Variants in EP400 observed in about 807,000 individuals in gnomAD.
EP400 encodes E1A binding protein p400.
Under a neutral mutation model 354.1 loss-of-function variants are expected in EP400, and 105 were observed. That is an observed-to-expected ratio of 0.30 (90% confidence interval 0.25 to 0.35). The LOEUF (loss-of-function observed/expected upper bound fraction) is 0.35. EP400 is among the 10% of genes least tolerant of loss of function. EP400 has a pLI of 1.00. For synonymous variants in EP400, 1,646 were observed against 1,716.9 expected, an observed-to-expected ratio of 0.96 and a Z score of 1.02; for missense variants, 3,280 against 4,121.0, an observed-to-expected ratio of 0.80 and a Z score of 5.59.
At chr12:132,031,130 C>T (rs1210627499) in intron 29 of EP400, 4 of 438,560 alleles carry the variant, frequency 9.1e-6, no homozygotes, top group Admixed American at 7.5e-5. Flanking sequence ...GTTTCTGGCA[C>T]AGAAATCGTT....
At chr12:131,995,902 G>A (rs1224239758) in intron 12 of EP400, among the ~76,000 whole-genome samples, 2 of 151,298 alleles carry the variant, frequency 1.3e-5, no homozygotes, top group Non-Finnish European at 2.9e-5. Context: ...TGAATGTACC[G>A]TTCATCCTGA....
chr12:131,991,358 G>A lies in EP400; in HGVS notation c.2630-49G>A, dbSNP rs374209724. ...CTGCCTGGAAAGCAGAGACGCCCTC[G>A]CCAAGCATGGGGGGCCTTGGGAACG... On this transcript the variant is annotated intron_variant, in intron 9 of 52. Coordinates refer to ENST00000389561, the MANE Select transcript of EP400 (RefSeq NM_015409.5). 44 of 1,601,372 alleles carry A rather than the reference G, an allele frequency of 2.7e-5. No homozygotes were observed. The African/African-American group carries it at 3.5e-4, about 13-fold the overall frequency.
chr12:132,061,566 G>A (rs536073058), intron 45 of EP400, among the ~76,000 whole-genome samples: 2 of 152,344 alleles, frequency 1.3e-5, no homozygotes, highest in East Asian at 3.9e-4. Flanking sequence ...GGTGGGATAG[G>A]GTGAGGGGAC....
At chr12:132,049,019 G>A (rs1288819639) in intron 39 of EP400, among the ~76,000 whole-genome samples, 1 of 152,324 alleles carries the variant, frequency 6.6e-6, no homozygotes, top group East Asian at 1.9e-4. Flanking sequence ...CTTTGCATTA[G>A]AGGACCCCAT....
At chr12:131,951,065 ATTT>A (rs750396319) in intron 1 of EP400, among the ~76,000 whole-genome samples, 6,437 of 104,008 alleles carry the variant, frequency 0.062, 110 homozygotes, top group African/African-American at 0.14. Flanking sequence ...ACGCCTGGCT[ATTT>A]TTTTTTTTTT....
At chr12:131,976,374 C>G (rs1892472399) in intron 2 of EP400, among the ~76,000 whole-genome samples, 1 of 152,100 alleles carries the variant, frequency 6.6e-6, no homozygotes, top group African/African-American at 2.4e-5. Context: ...TTATATTCTT[C>G]TGAAACGTAT....
At chr12:131,952,904 T>G (rs770462949) in intron 1 of EP400, among the ~76,000 whole-genome samples, 3 of 152,128 alleles carry the variant, frequency 2.0e-5, no homozygotes, top group Non-Finnish European at 4.4e-5. Flanking sequence ...TTGAAAGATA[T>G]CCAAACAACA....
At chr12:132,065,050 A>G (rs1225107699) in intron 48 of EP400, 164 bp downstream of exon 48, 1 of 1,272,266 alleles carries the variant, frequency 7.9e-7, no homozygotes. Flanking sequence ...GGGACTCACC[A>G]CTCGTGGAAC....
intron 14 of EP400, 50 bp downstream of exon 14, chr12:132,006,352 A>C: frequency 6.3e-7 from 1 of 1,582,350 alleles, no homozygotes; most frequent in South Asian, 1.1e-5. Context: ...GAGACAGAGC[A>C]CATAGCTTAG....
At chr12:132,055,515 A>G (rs1339266535) in intron 45 of EP400, among the ~76,000 whole-genome samples, 5 of 51,648 alleles carry the variant, frequency 9.7e-5, no homozygotes, top group Admixed American at 2.4e-4. Context: ...TGTGTGTGTG[A>G]GGTGTAGGGG....
At chr12:132,055,484 GGT>G (rs1180517157) in intron 45 of EP400, among the ~76,000 whole-genome samples, 3 of 136,182 alleles carry the variant, frequency 2.2e-5, no homozygotes, top group South Asian at 5.2e-4. Flanking sequence ...GAGGTGTAGG[GGT>G]GTGTGTGAGG....
intron 12 of EP400, among the ~76,000 whole-genome samples, chr12:131,997,032 C>T (rs1052104976): frequency 3.3e-5 from 5 of 151,946 alleles, no homozygotes; most frequent in East Asian, 1.9e-4. Flanking sequence ...AGTGAAATGA[C>T]GTTACATTAA....
chr12:132,006,869 G>T lies in EP400; in HGVS notation c.3296G>T (p.Cys1099Phe), dbSNP rs1234542568. ...QIIAFFAHLACNEGNWGPHLV... is the reference protein window; with the variant it reads ...QIIAFFAHLAFNEGNWGPHLV... ...ATTGCTTTTTTTGCCCACCTAGCTT[G>T]TAACGAAGGTAAGAGTTTGCTAGTT... Residue 1099 changes from cysteine to phenylalanine, a missense_variant, in exon 15 of 53, where the codon TGT (cysteine) becomes TTT (phenylalanine). Cys to Phe is a radical substitution (Grantham distance 205). Around this residue, in one of 20 missense-constraint regions of EP400, gnomAD observed 242 missense variants for 357.9 expected, o/e 0.68. Coordinates refer to ENST00000389561, the MANE Select transcript of EP400 (RefSeq NM_015409.5). The T allele has an allele frequency of 1.9e-6, 3 of 1,613,930 alleles. No homozygotes were observed. In the East Asian group the frequency reaches 6.7e-5, roughly 36 times the overall value.
chr12:131,979,341 G>T (rs1345388995), intron 2 of EP400, among the ~76,000 whole-genome samples: 2 of 152,208 alleles, frequency 1.3e-5, no homozygotes, highest in African/African-American at 2.4e-5. Context: ...ATGCTGGGCA[G>T]TGTGACTGAT....
chr12:132,045,643 A>G, intron 38 of EP400, 83 bp downstream of exon 38: 1 of 1,603,020 alleles, frequency 6.2e-7, no homozygotes, highest in East Asian at 2.2e-5. Flanking sequence ...CACTGTGATC[A>G]CTTTGCAGGG....
chr12:132,061,204 T>C (rs1434240805), intron 45 of EP400, among the ~76,000 whole-genome samples: 1 of 152,130 alleles, frequency 6.6e-6, no homozygotes, highest in African/African-American at 2.4e-5. Flanking sequence ...ATTTAGACTT[T>C]GGCAAGCATC....
At chr12:131,950,559 A>T (rs1441450255) in intron 1 of EP400, among the ~76,000 whole-genome samples, 1 of 152,006 alleles carries the variant, frequency 6.6e-6, no homozygotes, top group African/African-American at 2.4e-5. Context: ...GCGTCCCGGA[A>T]CGCGCCGCCA....
chr12:132,044,166 C>T lies in EP400; in HGVS notation c.6451-11C>T, dbSNP rs775105277. On this transcript the variant is annotated splice_polypyrimidine_tract_variant and intron_variant, in intron 34 of 52. Coordinates refer to ENST00000389561, the MANE Select transcript of EP400 (RefSeq NM_015409.5). ...CCTGATCCTGAAAGTTCTTGCTGCT[C>T]TCCCCGTCAGGACGCAGTGATGACT... 19 of 1,612,636 alleles carry T rather than the reference C, an allele frequency of 1.2e-5. No individual in the cohort carries two copies. Among genetic ancestry groups the T allele is most frequent in the Admixed American group, 8.3e-5 (5 of 59,942 alleles).
chr12:132,062,682 C>T lies in EP400; in HGVS notation c.8315C>T (p.Ala2772Val). The T allele has an allele frequency of 6.2e-7, 1 of 1,613,888 alleles. No homozygotes were observed. Among genetic ancestry groups the T allele is most frequent in the South Asian group, 1.1e-5 (1 of 91,084 alleles). The change falls in exon 47 of 53, where the codon GCT becomes GTT. Residue 2772 changes from alanine to valine, a missense_variant. By Grantham distance (64) the Ala-to-Val change is moderately conservative. Coordinates refer to ENST00000389561, the MANE Select transcript of EP400 (RefSeq NM_015409.5). ...GCCCAGTCCCCAGCACAGATCAAAGCTGTGGGCAAGCTGACGCCGGTGAGC... is the reference window on the plus strand; with the variant it reads ...GCCCAGTCCCCAGCACAGATCAAAGTTGTGGGCAAGCTGACGCCGGTGAGC... The part of the protein sequence containing the change: ...GQAQSPAQIK[A>V]VGKLTPEHLI...
Sources: allele counts gnomAD v4.1 joint callset (sites outside exome capture counted in the v4.1 genomes callset), GRCh38; gene constraint gnomAD v4.1.1; regional missense constraint gnomAD v4.1.1; transcripts MANE v1.5; gene names NCBI Gene and HGNC (gene_info 2026-07-23, HGNC 2026-07-21).